The following HNF4G variants were observed in gnomAD, a reference collection of about 807,000 sequenced individuals.
The protein encoded by HNF4G is hepatocyte nuclear factor 4-gamma.
A neutral mutation model predicts 50.9 loss-of-function variants in HNF4G; 21 were observed. The observed-to-expected ratio is 0.41, with a 90% CI of 0.29 to 0.59. HNF4G has a LOEUF of 0.59. Ranked by LOEUF, HNF4G falls within the 20% of genes least tolerant of loss-of-function variation. The pLI, the probability that HNF4G is intolerant of heterozygous loss-of-function variation, is 0.26. For missense variants in HNF4G, 527 were observed against 559.4 expected (o/e 0.94, Z 0.58); for synonymous variants, 198 against 185.6 (o/e 1.07, Z -0.54).
intron 1 of HNF4G, among the ~76,000 whole-genome samples, chr8:75,485,308 C>T (rs561407908): frequency 6.6e-6 from 1 of 152,218 alleles, no homozygotes; most frequent in East Asian, 1.9e-4. Context: ...AATATTTTGA[C>T]ATCAAATTCC....
chr8:75,465,526 C>A (rs2130617248), intron 1 of HNF4G, among the ~76,000 whole-genome samples: 1 of 151,940 alleles, frequency 6.6e-6, no homozygotes, highest in East Asian at 1.9e-4. Context: ...ATTATATAAC[C>A]AGAAAGAAGT....
chr8:75,557,318 C>T (rs537882064), intron 6 of HNF4G, among the ~76,000 whole-genome samples: 4 of 151,992 alleles, frequency 2.6e-5, no homozygotes, highest in Non-Finnish European at 5.9e-5. Context: ...AATGTAGATA[C>T]AAATTAAAAC....
chr8:75,496,691 T>C (rs976322534), intron 2 of HNF4G, among the ~76,000 whole-genome samples: 2 of 152,022 alleles, frequency 1.3e-5, no homozygotes, highest in Admixed American at 1.3e-4. Flanking sequence ...TAATATTTGG[T>C]TTTTATTCCA....
intron 1 of HNF4G, among the ~76,000 whole-genome samples, chr8:75,414,908 T>C (rs1810596665): frequency 6.6e-6 from 1 of 152,208 alleles, no homozygotes. Context: ...TATGATTACC[T>C]AGGAATAGAA....
intron 2 of HNF4G, among the ~76,000 whole-genome samples, chr8:75,545,214 G>C (rs1192651558): frequency 6.7e-6 from 1 of 150,000 alleles, no homozygotes; most frequent in African/African-American, 2.5e-5. Flanking sequence ...ATACCTTCTG[G>C]AGTCAGGTGC....
intron 2 of HNF4G, among the ~76,000 whole-genome samples, chr8:75,519,406 T>G (rs1056576210): frequency 9.9e-5 from 15 of 152,216 alleles, no homozygotes; most frequent in African/African-American, 3.1e-4. Context: ...ATTTCAGGTG[T>G]CTTTAAAGCA....
At chr8:75,560,701 G>A (rs1416681623) in intron 9 of HNF4G, among the ~76,000 whole-genome samples, 3 of 152,110 alleles carry the variant, frequency 2.0e-5, no homozygotes, top group Admixed American at 2.0e-4. Context: ...GGTCTGGGGA[G>A]CACAAAAGAG....
At chr8:75,449,094 TTCTC>T (rs1228086428) in intron 1 of HNF4G, among the ~76,000 whole-genome samples, 1 of 152,190 alleles carries the variant, frequency 6.6e-6, no homozygotes, top group African/African-American at 2.4e-5. Context: ...AGAAGTTTCT[TTCTC>T]ATGTAACAAC....
At chr8:75,500,740 C>T (rs558455590) in intron 2 of HNF4G, among the ~76,000 whole-genome samples, 30 of 152,244 alleles carry the variant, frequency 2.0e-4, no homozygotes, top group African/African-American at 7.0e-4. Context: ...AAACATTACA[C>T]TAAGTGAAAC....
chr8:75,547,985 A>G (rs7828443), intron 3 of HNF4G, among the ~76,000 whole-genome samples: 6,510 of 144,520 alleles, frequency 0.045, 469 homozygotes, highest in African/African-American at 0.16. Flanking sequence ...GGTTGAAATT[A>G]CAGATTTTTT....
chr8:75,538,564 A>C (rs1806530701), upstream of HNF4G, among the ~76,000 whole-genome samples: 3 of 152,196 alleles, frequency 2.0e-5, no homozygotes, highest in Non-Finnish European at 4.4e-5. Context: ...AATGTTTGTT[A>C]ACTCATTTAA....
intron 2 of HNF4G, among the ~76,000 whole-genome samples, chr8:75,502,894 C>A (rs1365319681): frequency 6.6e-6 from 1 of 151,982 alleles, no homozygotes; most frequent in Non-Finnish European, 1.5e-5. Flanking sequence ...GTCCAATATA[C>A]GATGATATGG....
intron 1 of HNF4G, among the ~76,000 whole-genome samples, chr8:75,444,277 A>G (rs1210123462): frequency 1.3e-5 from 2 of 151,788 alleles, no homozygotes; most frequent in African/African-American, 4.8e-5. Flanking sequence ...TCCTGAAGGA[A>G]GCGCTAAACA....
At chr8:75,454,809 T>G (rs1811681568) in intron 1 of HNF4G, among the ~76,000 whole-genome samples, 1 of 152,160 alleles carries the variant, frequency 6.6e-6, no homozygotes, top group Admixed American at 6.5e-5. Context: ...TCCCTGTTGC[T>G]TACCAGAATA....
In HNF4G at chr8:75,564,040, G is replaced by A; in HGVS notation, c.1312G>A (p.Ala438Thr). The change falls in exon 10 of 10, where the codon GCA (alanine) becomes ACA (threonine). Residue 438 changes from alanine (A) to threonine (T), a missense_variant. By Grantham distance (58) the Ala-to-Thr change is moderately conservative. Coordinates refer to ENST00000396423, the MANE Select transcript of HNF4G (RefSeq NM_004133.5). ...TGGGCAAGAACAGTACAAAATAGCT[G>A]CAAACCAAGCATCAGTCATTTCACA... ...GSGQEQYKIA[A>T]NQASVISHQH... 6.2e-6 allele frequency: 10 copies of A among 1,613,606 alleles called. No homozygotes were observed. Among genetic ancestry groups the A allele is most frequent in the Non-Finnish European group, 8.5e-6 (10 of 1,179,632 alleles).
chr8:75,441,964 A>G (rs1014401102), intron 1 of HNF4G, among the ~76,000 whole-genome samples: 1 of 152,234 alleles, frequency 6.6e-6, no homozygotes, highest in Non-Finnish European at 1.5e-5. Flanking sequence ...ATGATTTACT[A>G]TAAAGTAGAG....
At chr8:75,456,686 A>C (rs1811732037) in intron 1 of HNF4G, among the ~76,000 whole-genome samples, 1 of 151,880 alleles carries the variant, frequency 6.6e-6, no homozygotes. Flanking sequence ...ATTCTATATA[A>C]AAGTCCCATA....
upstream of HNF4G, among the ~76,000 whole-genome samples, chr8:75,536,641 C>A (rs536958402): frequency 2.0e-5 from 3 of 152,060 alleles, no homozygotes; most frequent in East Asian, 5.8e-4. Flanking sequence ...AAGGTTTATG[C>A]AACTTAATTT....
intron 1 of HNF4G, among the ~76,000 whole-genome samples, chr8:75,485,602 C>A (rs1221548438): frequency 1.3e-5 from 2 of 152,142 alleles, no homozygotes; most frequent in Non-Finnish European, 2.9e-5. Context: ...TACTGATTAG[C>A]AATCAAATGT....
Sources: gnomAD v4.1 joint callset for allele counts (sites outside exome capture counted in the v4.1 genomes callset) on GRCh38, gnomAD v4.1.1 for gene constraint, MANE v1.5 for transcripts, NCBI Gene and HGNC (gene_info 2026-07-23, HGNC 2026-07-21) for gene names.